Variants in RAPGEF6 observed in about 807,000 individuals in gnomAD.
RAPGEF6 encodes Rap guanine nucleotide exchange factor 6.
Under a neutral mutation model 171.4 loss-of-function variants are expected in RAPGEF6, and 56 were observed. The ratio of observed to expected loss-of-function variants is 0.33; its 90% CI spans 0.26 to 0.41. RAPGEF6 has a LOEUF of 0.41. Ranked by LOEUF, RAPGEF6 falls within the 10% of genes least tolerant of loss-of-function variation. RAPGEF6 has a pLI of 1.00. For synonymous variants in RAPGEF6, 692 were observed against 650.1 expected (o/e 1.06, Z -0.98); for missense variants, 1,674 against 1,921.4 (o/e 0.87, Z 2.41).
chr5:131,547,800 C>T (rs1760650307), intron 6 of RAPGEF6, among the ~76,000 whole-genome samples: 1 of 152,008 alleles, frequency 6.6e-6, no homozygotes. Flanking sequence ...TGACCCACTG[C>T]ACCCAGCCTA....
At chr5:131,595,613 A>G (rs528597546) in intron 3 of RAPGEF6, among the ~76,000 whole-genome samples, 2 of 152,330 alleles carry the variant, frequency 1.3e-5, no homozygotes, top group East Asian at 3.9e-4. Flanking sequence ...ATAGCACCAC[A>G]GTGAGCCACA....
At chr5:131,629,059 C>A (rs1316372770) in intron 1 of RAPGEF6, among the ~76,000 whole-genome samples, 1 of 152,158 alleles carries the variant, frequency 6.6e-6, no homozygotes, top group Non-Finnish European at 1.5e-5. Flanking sequence ...TTTCAACCTT[C>A]AAGTCTTGTT....
chr5:131,625,257 C>T (rs531156823), intron 1 of RAPGEF6, among the ~76,000 whole-genome samples: 2 of 152,086 alleles, frequency 1.3e-5, no homozygotes, highest in East Asian at 1.9e-4. Context: ...AGAGAAACTC[C>T]GTCTCAAAAA....
chr5:131,432,756 T>C (rs890594551), intron 25 of RAPGEF6, among the ~76,000 whole-genome samples: 4 of 152,222 alleles, frequency 2.6e-5, no homozygotes, highest in African/African-American at 9.6e-5. Context: ...CTGTGAAGTC[T>C]AAAATGTTTA....
At chr5:131,627,259 G>A (rs1765990767) in intron 1 of RAPGEF6, among the ~76,000 whole-genome samples, 1 of 152,176 alleles carries the variant, frequency 6.6e-6, no homozygotes, top group Admixed American at 6.6e-5. Flanking sequence ...GATATATGAA[G>A]CTGAAGCACA....
At chr5:131,631,682 C>A (rs1029992350) in intron 1 of RAPGEF6, among the ~76,000 whole-genome samples, 7 of 152,170 alleles carry the variant, frequency 4.6e-5, no homozygotes, top group African/African-American at 1.4e-4. Flanking sequence ...TGTAGTGGCA[C>A]ATGCCTGTAG....
intron 4 of RAPGEF6, among the ~76,000 whole-genome samples, chr5:131,572,245 A>C (rs796105119): frequency 4.9e-4 from 75 of 151,998 alleles, no homozygotes; most frequent in African/African-American, 1.7e-3. Context: ...GAGGAGATCC[A>C]CCTATGACCC....
intron 1 of RAPGEF6, among the ~76,000 whole-genome samples, chr5:131,620,637 C>G (rs905515389): frequency 6.6e-6 from 1 of 151,584 alleles, no homozygotes; most frequent in African/African-American, 2.4e-5. Flanking sequence ...GTTGCCCAGG[C>G]TGGAGTGCAG....
At chr5:131,457,799 A>G (rs1463863300) in intron 19 of RAPGEF6, among the ~76,000 whole-genome samples, 1 of 152,198 alleles carries the variant, frequency 6.6e-6, no homozygotes, top group Admixed American at 6.5e-5. Flanking sequence ...CTGAGGGACA[A>G]TGGTATCATT....
chr5:131,610,205 T>A (rs192588982), intron 1 of RAPGEF6, among the ~76,000 whole-genome samples: 5 of 152,276 alleles, frequency 3.3e-5, no homozygotes, highest in African/African-American at 1.2e-4. Flanking sequence ...TTATCATTAT[T>A]CCCAATGAGC....
chr5:131,479,435 C>T, intron 16 of RAPGEF6, 78 bp downstream of exon 16: 1 of 1,521,974 alleles, frequency 6.6e-7, no homozygotes, highest in South Asian at 1.2e-5. Flanking sequence ...AAAACTTACC[C>T]AAGCCTCCCC....
chr5:131,631,892 C>T (rs1362211412), intron 1 of RAPGEF6, among the ~76,000 whole-genome samples: 2 of 151,952 alleles, frequency 1.3e-5, no homozygotes, highest in African/African-American at 2.4e-5. Flanking sequence ...CTGGCTAACA[C>T]GGTGAAACCC....
intron 20 of RAPGEF6, 55 bp downstream of exon 20, chr5:131,455,746 A>G (rs1753446934): frequency 1.4e-6 from 2 of 1,461,836 alleles, no homozygotes; most frequent in Non-Finnish European, 1.9e-6. Context: ...AAATCAATTC[A>G]GGTAGACTTT....
At chr5:131,545,215 GAAT>G (rs1468896182) in intron 6 of RAPGEF6, among the ~76,000 whole-genome samples, 3 of 151,856 alleles carry the variant, frequency 2.0e-5, no homozygotes, top group Non-Finnish European at 4.4e-5. Context: ...TATTTCATAT[GAAT>G]AAATCATCTT....
chr5:131,629,199 G>A (rs1162892102), intron 1 of RAPGEF6, among the ~76,000 whole-genome samples: 1 of 152,158 alleles, frequency 6.6e-6, no homozygotes, highest in Non-Finnish European at 1.5e-5. Flanking sequence ...CCATCTGTGG[G>A]CCAGGCATGG....
chr5:131,609,917 C>T (rs750230226), intron 1 of RAPGEF6, among the ~76,000 whole-genome samples: 1 of 152,140 alleles, frequency 6.6e-6, no homozygotes. Context: ...AACCAGTGGA[C>T]CCAATTCAAA....
chr5:131,469,474 T>C (rs1171938954), intron 17 of RAPGEF6, among the ~76,000 whole-genome samples: 7 of 152,242 alleles, frequency 4.6e-5, no homozygotes, highest in South Asian at 2.1e-4. Context: ...TACATGCAGA[T>C]ATAGAAAAAA....
intron 6 of RAPGEF6, among the ~76,000 whole-genome samples, chr5:131,536,410 C>G (rs941795037): frequency 1.3e-5 from 2 of 152,116 alleles, no homozygotes; most frequent in Non-Finnish European, 2.9e-5. Context: ...AAACTGCATA[C>G]CTATTCCTCA....
At chr5:131,567,130 A>G in intron 4 of RAPGEF6, among the ~76,000 whole-genome samples, 2 of 152,060 alleles carry the variant, frequency 1.3e-5, no homozygotes, top group East Asian at 3.9e-4. Flanking sequence ...AATATTTAAA[A>G]TTTCTTTAGG....
Sources: allele counts gnomAD v4.1 joint callset (sites outside exome capture counted in the v4.1 genomes callset), GRCh38; gene constraint gnomAD v4.1.1; transcripts MANE v1.5; gene names NCBI Gene and HGNC (gene_info 2026-07-23, HGNC 2026-07-21).